Variants in LPA observed in about 807,000 individuals in gnomAD.
LPA encodes the protein apolipoprotein(a).
A neutral mutation model predicts 197.9 loss-of-function variants in LPA; 199 were observed. That is an observed-to-expected ratio of 1.01 (90% CI 0.90 to 1.13). The LOEUF is 1.13. Among genes scored for constraint, LPA ranks in the 50% most tolerant of loss-of-function variants. The probability of loss-of-function intolerance (pLI) is 0.00; values close to 1 mark genes in which losing one functional copy is unlikely to be tolerated. For missense variants in LPA, 1,853 were observed against 1,785.8 expected (o/e 1.04, Z -0.68); for synonymous variants, 715 against 639.5 (o/e 1.12, Z -1.78).
In LPA at chr6:160,599,637, C is replaced by A. The variant is rs771127354; in HGVS notation, c.3150G>T (p.Gly1050=). 7 of 1,614,014 alleles carry A rather than the reference C, an allele frequency of 4.3e-6. No individual in the cohort carries two copies. The highest frequency in any genetic ancestry group is 5.9e-6 in the Non-Finnish European group (7 of 1,179,962). Residue 1050 remains glycine (G), a synonymous_variant, in exon 20 of 39, where the codon GGG becomes GGT. Coordinates refer to ENST00000316300, the MANE Select transcript of LPA (RefSeq NM_005577.4). ...CATAATGGTAGTAGCAGTCCTGTAC[C>A]CCGGGGGTTTCCTCAGTCAGTGCTG... is the stretch of plus-strand genomic sequence containing the variant. The part of the protein sequence containing the change: ...FEQALTEETP[G]VQDCYYHYGQ...
At chr6:160,600,358 C>G (rs754314593) in intron 19 of LPA, among the ~76,000 whole-genome samples, 1 of 152,178 alleles carries the variant, frequency 6.6e-6, no homozygotes, top group African/African-American at 2.4e-5. Context: ...GAAAAAATCA[C>G]TCCCTTCAAA....
chr6:160,606,006 A>G (rs974422365), intron 17 of LPA, among the ~76,000 whole-genome samples: 6 of 152,330 alleles, frequency 3.9e-5, no homozygotes, highest in Non-Finnish European at 8.8e-5. Flanking sequence ...CCATAGAACC[A>G]GGGTGATTTG....
chr6:160,542,950 T>C, intron 33 of LPA, 142 bp from the exon 34 acceptor site: 1 of 1,200,750 alleles, frequency 8.3e-7, no homozygotes, highest in Non-Finnish European at 1.2e-6. Context: ...CTCTTTAGAT[T>C]TTTCTTTCTA....
At chr6:160,540,978 T>A in intron 35 of LPA, 129 bp downstream of exon 35, 5 of 787,492 alleles carry the variant, frequency 6.3e-6, no homozygotes, top group Non-Finnish European at 1.1e-5. Flanking sequence ...TTCCTAGTGT[T>A]CCTTCCAGAA....
At chr6:160,567,844 C>T (rs1358972069) in intron 28 of LPA, among the ~76,000 whole-genome samples, 5 of 152,078 alleles carry the variant, frequency 3.3e-5, no homozygotes, top group Non-Finnish European at 1.5e-5. Context: ...ATACAAACTA[C>T]CATCAGAGAA....
At chr6:160,561,444 G>A (rs1231836225) in intron 28 of LPA, among the ~76,000 whole-genome samples, 2 of 152,148 alleles carry the variant, frequency 1.3e-5, no homozygotes, top group Non-Finnish European at 2.9e-5. Context: ...TTTGGTACCA[G>A]TACCATACCA....
At chr6:160,647,671 A>T (rs1376556066) in intron 2 of LPA, among the ~76,000 whole-genome samples, 1 of 152,204 alleles carries the variant, frequency 6.6e-6, no homozygotes, top group Non-Finnish European at 1.5e-5. Flanking sequence ...TTGAACCCAC[A>T]CATTAACCTT....
chr6:160,564,517 C>T (rs984192665), intron 28 of LPA, among the ~76,000 whole-genome samples: 11 of 152,026 alleles, frequency 7.2e-5, no homozygotes, highest in African/African-American at 1.7e-4. Flanking sequence ...ACCTTGTGAT[C>T]GTGAGAGAGG....
chr6:160,585,294 G>A, intron 25 of LPA, 89 bp from the exon 26 acceptor site: 1 of 1,277,220 alleles, frequency 7.8e-7, no homozygotes. Context: ...AATAATCTGA[G>A]GATTAACAAT....
rs1223402403 is a variant in LPA at position 160,594,024 on chromosome 6, G to A, written c.3563C>T (p.Thr1188Ile). 1 of 1,613,978 alleles carries A rather than the reference G, an allele frequency of 6.2e-7. No homozygotes were observed. The highest frequency in any genetic ancestry group is 1.7e-5 in the Admixed American group (1 of 60,024). ...GSFSTTVTGR[T>I]CQSWSSMTPH... is the part of the protein sequence containing the mutation. ...TGTCATAGAGGACCAAGACTGACAT[G>A]TCCTTCCTGTGACAGTGGTAGAGAA... The change falls in exon 22 of 39, where the codon ACA (threonine) becomes ATA (isoleucine). Residue 1188 changes from threonine (T) to isoleucine (I), a missense_variant. Thr to Ile is a moderately conservative substitution (Grantham distance 89). This residue lies in a region of LPA where 1,737 missense variants were observed against 1,504.4 expected (regional missense o/e 1.15). Transcript: ENST00000316300.
At chr6:160,600,796 G>T in intron 19 of LPA, 121 bp downstream of exon 19, 2 of 1,153,168 alleles carry the variant, frequency 1.7e-6, no homozygotes, top group Non-Finnish European at 2.6e-6. Flanking sequence ...CCTCCCACAT[G>T]GCAGACCCAG....
chr6:160,537,567 C>G (rs2114995612), intron 37 of LPA, among the ~76,000 whole-genome samples: 1 of 152,244 alleles, frequency 6.6e-6, no homozygotes, highest in East Asian at 1.9e-4. Context: ...TCAAAGACCT[C>G]TACTGGTGTT....
intron 20 of LPA, among the ~76,000 whole-genome samples, chr6:160,597,451 C>A (rs1779155352): frequency 6.6e-6 from 1 of 152,204 alleles, no homozygotes; most frequent in South Asian, 2.1e-4. Flanking sequence ...CTAGGATTCA[C>A]ACCTGTGTGG....
In LPA at chr6:160,542,710, A is replaced by AGGGCCAGGAATGTGGGT; in HGVS notation, c.5480_5496dup (p.Trp1833ThrfsTer24). The AGGGCCAGGAATGTGGGT allele has an allele frequency of 6.2e-7, 1 of 1,613,914 alleles. No homozygotes were observed. The highest frequency in any genetic ancestry group is 8.5e-7 in the Non-Finnish European group (1 of 1,179,988). ...TACCTTGTTCTGAGACTGACTTGCC[A>AGGGCCAGGAATGTGGGT]GGGCCAGGAATGTGGGTGGGCCACA... On this transcript the variant is annotated frameshift_variant, in exon 34 of 39. Coordinates refer to ENST00000316300, the MANE Select transcript of LPA (RefSeq NM_005577.4). LOFTEE classifies it high-confidence loss of function.
intron 16 of LPA, among the ~76,000 whole-genome samples, chr6:160,607,802 C>A (rs1393308809): frequency 6.6e-6 from 1 of 152,126 alleles, no homozygotes; most frequent in Non-Finnish European, 1.5e-5. Context: ...AAACTCGTGA[C>A]AAATTTCTTT....
chr6:160,596,441 A>G (rs1195048163), intron 20 of LPA, among the ~76,000 whole-genome samples: 3 of 151,928 alleles, frequency 2.0e-5, no homozygotes, highest in Non-Finnish European at 4.4e-5. Context: ...TCTTAGATCA[A>G]CAACTGTCAA....
intron 1 of LPA, among the ~76,000 whole-genome samples, chr6:160,655,453 T>G (rs1256354311): frequency 3.9e-5 from 6 of 152,204 alleles, no homozygotes; most frequent in Admixed American, 6.5e-5. Flanking sequence ...AGCCTTCTTT[T>G]GTTCTAGACT....
At chr6:160,600,096 C>T (rs1214636951) in intron 19 of LPA, among the ~76,000 whole-genome samples, 1 of 152,128 alleles carries the variant, frequency 6.6e-6, no homozygotes, top group Non-Finnish European at 1.5e-5. Context: ...GCATGTGTCC[C>T]TAGATGATTG....
intron 28 of LPA, among the ~76,000 whole-genome samples, chr6:160,573,676 C>G: frequency 6.6e-6 from 1 of 152,104 alleles, no homozygotes; most frequent in Non-Finnish European, 1.5e-5. Context: ...AGCTGAACTG[C>G]AGTGATTATT....
Sources: gnomAD v4.1 joint callset for allele counts (sites outside exome capture counted in the v4.1 genomes callset) on GRCh38, gnomAD v4.1.1 for gene constraint, gnomAD v4.1.1 regional missense constraint, MANE v1.5 for transcripts, NCBI Gene and HGNC (gene_info 2026-07-23, HGNC 2026-07-21) for gene names.